Variants in SMIM35 observed in about 807,000 individuals in gnomAD.
SMIM35 encodes the protein small integral membrane protein 35.
At chr11:118,016,149 A>C (rs1264579030) in intron 1 of SMIM35, among the ~76,000 whole-genome samples, 1 of 152,142 alleles carries the variant, frequency 6.6e-6, no homozygotes. Flanking sequence ...CCTCAGCATG[A>C]GCCAGGTGGT....
intron 1 of SMIM35, among the ~76,000 whole-genome samples, chr11:118,065,656 T>G (rs1464608480): frequency 6.6e-6 from 1 of 152,128 alleles, no homozygotes; most frequent in Non-Finnish European, 1.5e-5. Flanking sequence ...GGTCCTCTAC[T>G]TCATTTACAT....
intron 1 of SMIM35, among the ~76,000 whole-genome samples, chr11:118,036,705 T>C (rs1325043844): frequency 6.6e-6 from 1 of 152,206 alleles, no homozygotes; most frequent in Non-Finnish European, 1.5e-5. Flanking sequence ...AGGAGCATCA[T>C]GGGGCCTTTC....
intron 1 of SMIM35, among the ~76,000 whole-genome samples, chr11:118,035,496 G>A (rs779555515): frequency 3.9e-5 from 6 of 152,142 alleles, no homozygotes; most frequent in African/African-American, 1.2e-4. Context: ...CCTAATAATC[G>A]GTTGCTCAAA....
In SMIM35 at chr11:118,070,446, G is replaced by A. The variant is rs1027431979; in HGVS notation, c.7+16305C>T. On this transcript the variant is annotated intron_variant, in intron 1 of 4. Coordinates refer to ENST00000689828, the MANE Select transcript of SMIM35 (RefSeq NM_001394165.1). The stretch of plus-strand genomic sequence containing the variant: ...TCTGCCTCGGCCTCCCAAAGTGCCC[G>A]GATTACAGCCGTGAGCCACCGTGCC... Among the ~76,000 whole-genome samples the A allele has an allele frequency of 7.2e-5, 11 of 152,256 alleles. No individual in the cohort carries two copies. In the South Asian group the frequency reaches 8.3e-4, roughly 11 times the overall value.
At chr11:118,014,791 T>G (rs898280573) in intron 2 of SMIM35, 50 bp from the exon 3 acceptor site, 122 of 398,676 alleles carry the variant, frequency 3.1e-4, no homozygotes, top group Non-Finnish European at 4.3e-4. Context: ...GGGGAAGCAG[T>G]CCGCCACCCT....
intron 1 of SMIM35, among the ~76,000 whole-genome samples, chr11:118,033,972 A>T (rs1156900288): frequency 6.6e-6 from 1 of 152,162 alleles, no homozygotes; most frequent in Non-Finnish European, 1.5e-5. Context: ...ATTACCATAG[A>T]TTTATTTAAA....
intron 4 of SMIM35, among the ~76,000 whole-genome samples, chr11:118,008,394 G>C (rs1222496940): frequency 6.6e-6 from 1 of 152,222 alleles, no homozygotes; most frequent in Non-Finnish European, 1.5e-5. Context: ...CCCTGGAGCA[G>C]AGAGTGGAGC....
intron 1 of SMIM35, among the ~76,000 whole-genome samples, chr11:118,045,878 G>C (rs1365337418): frequency 6.6e-6 from 1 of 152,194 alleles, no homozygotes; most frequent in African/African-American, 2.4e-5. Context: ...TTGGAGCCAG[G>C]CCATCTGGAA....
chr11:118,026,128 C>T (rs2135045950), intron 1 of SMIM35, among the ~76,000 whole-genome samples: 1 of 152,278 alleles, frequency 6.6e-6, no homozygotes, highest in East Asian at 1.9e-4. Flanking sequence ...TTTCTGGGTT[C>T]TCTATTCTGT....
At chr11:118,074,715 C>A (rs1319887956) in intron 1 of SMIM35, among the ~76,000 whole-genome samples, 1 of 150,912 alleles carries the variant, frequency 6.6e-6, no homozygotes, top group Non-Finnish European at 1.5e-5. Context: ...CCACTGCACT[C>A]CAGCCTGGGC....
chr11:118,067,706 G>A (rs1049862575), intron 1 of SMIM35, among the ~76,000 whole-genome samples: 25 of 150,682 alleles, frequency 1.7e-4, no homozygotes, highest in African/African-American at 3.2e-4. Flanking sequence ...GTGGTGGTGC[G>A]CCTATAGTTC....
intron 1 of SMIM35, among the ~76,000 whole-genome samples, chr11:118,070,441 T>C (rs994736278): frequency 6.6e-6 from 1 of 152,214 alleles, no homozygotes; most frequent in East Asian, 1.9e-4. Flanking sequence ...CCTCCCAAAG[T>C]GCCCGGATTA....
At chr11:118,011,707 G>GAAAT (rs1480848332) in intron 4 of SMIM35, among the ~76,000 whole-genome samples, 1 of 152,020 alleles carries the variant, frequency 6.6e-6, no homozygotes, top group African/African-American at 2.4e-5. Context: ...AAGAAAGAAA[G>GAAAT]AAAGTTTTAC....
At chr11:118,051,965 C>T (rs1944223025) in intron 1 of SMIM35, among the ~76,000 whole-genome samples, 1 of 152,152 alleles carries the variant, frequency 6.6e-6, no homozygotes, top group African/African-American at 2.4e-5. Flanking sequence ...GTGTCTGAAT[C>T]ATGAACCTTC....
rs73600812 is a variant in SMIM35 at position 118,068,109 on chromosome 11, G to A, written c.7+18642C>T. Among the ~76,000 whole-genome samples the A allele has an allele frequency of 2.4e-3, 370 of 151,920 alleles. 1 individual carries two copies. The highest frequency in any genetic ancestry group is 8.7e-3 in the African/African-American group (360 of 41,420). ...TCAAAAGAAAATGTCTATTGCAAGA[G>A]TTTCTCATAACTGGAGCCATGTATG... On this transcript the variant is annotated intron_variant, in intron 1 of 4. Coordinates refer to ENST00000689828, the MANE Select transcript of SMIM35 (RefSeq NM_001394165.1).
intron 1 of SMIM35, among the ~76,000 whole-genome samples, chr11:118,034,812 C>T (rs1476854561): frequency 1.3e-5 from 2 of 152,284 alleles, no homozygotes; most frequent in African/African-American, 2.4e-5. Flanking sequence ...ACAAGGGGGA[C>T]GAGGAGCCAA....
intron 1 of SMIM35, among the ~76,000 whole-genome samples, chr11:118,078,013 C>CAAAAA (rs148383275): frequency 1.2e-3 from 84 of 71,026 alleles, no homozygotes; most frequent in South Asian, 2.0e-3. Flanking sequence ...AACTCCGTCT[C>CAAAAA]AAAAAAAAAA....
At chr11:118,049,410 G>A (rs1310813993) in intron 1 of SMIM35, among the ~76,000 whole-genome samples, 5 of 141,702 alleles carry the variant, frequency 3.5e-5, no homozygotes, top group South Asian at 2.3e-4. Context: ...GTGCAGTGGC[G>A]CGATCTCTGC....
intron 1 of SMIM35, among the ~76,000 whole-genome samples, chr11:118,033,868 T>G (rs1294537656): frequency 1.3e-5 from 2 of 152,216 alleles, no homozygotes; most frequent in African/African-American, 4.8e-5. Flanking sequence ...TACCAGTTAC[T>G]TACAATGTGT....
Sources: gnomAD v4.1 joint callset for allele counts (sites outside exome capture counted in the v4.1 genomes callset) on GRCh38, gnomAD v4.1.1 for gene constraint, MANE v1.5 for transcripts, NCBI Gene and HGNC (gene_info 2026-07-23, HGNC 2026-07-21) for gene names.